The following PKMYT1 variants were observed in gnomAD, a reference collection of about 807,000 sequenced individuals.
The protein encoded by PKMYT1 is membrane-associated tyrosine- and threonine-specific cdc2-inhibitory kinase.
PKMYT1 carries 35 observed loss-of-function variants against 49.7 expected under a neutral mutation model. The ratio of observed to expected loss-of-function variants is 0.70; its 90% confidence interval spans 0.54 to 0.93. The LOEUF (loss-of-function observed/expected upper bound fraction) is 0.93. PKMYT1 is among the 40% of genes least tolerant of loss of function. The pLI, the probability that PKMYT1 is intolerant of heterozygous loss-of-function variation, is 0.00. For synonymous variants in PKMYT1, 331 were observed against 287.6 expected, an observed-to-expected ratio of 1.15 and a Z score of -1.53; for missense variants, 677 against 673.1, an observed-to-expected ratio of 1.01 and a Z score of -0.06.
In PKMYT1 at chr16:2,974,093, G is replaced by T. The variant is rs753795744; in HGVS notation, c.1217C>A (p.Pro406His). Reference protein sequence around the residue: ...GLAHPASWLQPLGPPATPPGS... With the variant: ...GLAHPASWLQHLGPPATPPGS... The stretch of plus-strand genomic sequence containing the variant: ...AGGCGGGGTGGCTGGCGGGCCCAGG[G>T]GCTGTAGCCAGCTGGCAGGGTGAGC... The change falls in exon 7 of 9, where the codon CCC becomes CAC. Residue 406 changes from proline to histidine, a missense_variant. Physicochemically the swap from Pro to His is moderately conservative, Grantham distance 77 (BLOSUM62 -2). Coordinates refer to ENST00000262300, the MANE Select transcript of PKMYT1 (RefSeq NM_004203.5). The T allele has an allele frequency of 1.9e-6, 3 of 1,609,178 alleles. No individual in the cohort carries two copies. The highest frequency in any genetic ancestry group is 1.1e-5 in the South Asian group (1 of 90,464).
At position 2,977,038 on chromosome 16, in the gene PKMYT1, GC is replaced by G. The variant is rs1567389255; in HGVS notation, c.11-8del. 3.1e-6 allele frequency: 5 copies of G among 1,589,338 alleles called. No individual in the cohort carries two copies. The highest frequency in any genetic ancestry group is 4.3e-6 in the Non-Finnish European group (5 of 1,174,756). On this transcript the variant is annotated splice_polypyrimidine_tract_variant and splice_region_variant and intron_variant, in intron 2 of 8. Transcript: ENST00000262300. ...ATGGCCAGTGCAGGAGGCCCTGGGGGCAGAGACAGAGGCTGAGTACAGGGCA... is the reference window on the plus strand; with the variant it reads ...ATGGCCAGTGCAGGAGGCCCTGGGGGAGAGACAGAGGCTGAGTACAGGGCA...
At chr16:2,975,978 A>G in intron 3 of PKMYT1, 166 bp from the exon 4 acceptor site, 1 of 738,282 alleles carries the variant, frequency 1.4e-6, no homozygotes, top group Non-Finnish European at 2.1e-6. Flanking sequence ...AAAACCAGAC[A>G]AACCTCCATC....
In PKMYT1 at chr16:2,979,729, G is replaced by A; in HGVS notation, c.-72C>T. 2 of 1,609,434 alleles carry A rather than the reference G, an allele frequency of 1.2e-6. No homozygotes were observed. Among genetic ancestry groups the A allele is most frequent in the Non-Finnish European group, 1.7e-6 (2 of 1,177,336 alleles). ...AGCAGGGGCTCCCACGTGAATCCAG[G>A]GTGTCCCTGAGCTAAGGCCAGGCGG... On this transcript the variant is annotated 5_prime_UTR_variant, in exon 2 of 9. Transcript: ENST00000262300.
intron 2 of PKMYT1, among the ~76,000 whole-genome samples, chr16:2,978,509 A>AGGCTGAGGTGAGTAAATC (rs1483791506): frequency 1.3e-5 from 2 of 152,122 alleles, no homozygotes. Context: ...GCATTTTAGG[A>AGGCTGAGGTGAGTAAATC]GGCTGAGGTG....
Position 2,975,273 on chromosome 16 carries a change from G to A in PKMYT1, c.872+46C>T, listed in dbSNP as rs1196197322. On this transcript the variant is annotated intron_variant, in intron 4 of 8. Coordinates refer to ENST00000262300, the MANE Select transcript of PKMYT1 (RefSeq NM_004203.5). ...GGGAATGGAGCTTCCGTCCCAGGAA[G>A]GGCCTCCCACAGCCTGCCAAACACC... 2.0e-6 allele frequency: 3 copies of A among 1,537,160 alleles called. No individual in the cohort carries two copies. In the East Asian group the frequency reaches 7.1e-5, roughly 36 times the overall value.
chr16:2,975,260 T>A, intron 4 of PKMYT1, 59 bp downstream of exon 4: 1 of 1,500,332 alleles, frequency 6.7e-7, no homozygotes, highest in Non-Finnish European at 8.9e-7. Flanking sequence ...GAATGGAGCT[T>A]CCGTCCCAGG....
At position 2,975,705 on chromosome 16, in the gene PKMYT1, C is replaced by T. The variant is rs773375949; in HGVS notation, c.486G>A (p.Glu162=). 3 of 1,608,004 alleles carry T rather than the reference C, an allele frequency of 1.9e-6. No homozygotes were observed. Among genetic ancestry groups the T allele is most frequent in the South Asian group, 2.2e-5 (2 of 91,072 alleles). Reference sequence around the variant, plus strand: ...CGCAGCATGGGTGCTGCCCCACCTTCTCGTGGCTGCCCACCTCGGCCAACT... The same window carrying T: ...CGCAGCATGGGTGCTGCCCCACCTTTTCGTGGCTGCCCACCTCGGCCAACT... ...ARKLAEVGSH[E]KVGQHPCCVR... is the part of the protein sequence containing the mutation. The change falls in exon 4 of 9, where the codon GAG becomes GAA. Residue 162 remains glutamate, a synonymous_variant. Transcript: ENST00000262300.
At chr16:2,974,191 C>T (rs779933498) in intron 6 of PKMYT1, 34 bp from the exon 7 acceptor site, 29 of 1,566,302 alleles carry the variant, frequency 1.9e-5, no homozygotes, top group African/African-American at 4.1e-5. Context: ...TGTGGGTGGG[C>T]GGACCCCCGG....
chr16:2,976,520 G>A (rs2072197651), intron 3 of PKMYT1, 144 bp downstream of exon 3: 1 of 761,792 alleles, frequency 1.3e-6, no homozygotes, highest in Non-Finnish European at 1.9e-6. Context: ...CAAGTCAAAT[G>A]TGGAGGGAGC....
rs1223323872 is a variant in PKMYT1, at chr16:2,975,314, C to T, written c.872+5G>A. On this transcript the variant is annotated splice_donor_5th_base_variant and intron_variant, in intron 4 of 8. Transcript: ENST00000262300. ...GCCAAACACCTGGCGTGCCCCGGTC[C>T]CCACCTGAACACATCCGCTGCTGTC... 1 of 1,603,820 alleles carries T rather than the reference C, an allele frequency of 6.2e-7. No individual in the cohort carries two copies. The highest frequency in any genetic ancestry group is 1.7e-5 in the Admixed American group (1 of 59,660).
chr16:2,974,194 AC>A, intron 6 of PKMYT1, 37 bp from the exon 7 acceptor site: 3 of 1,561,334 alleles, frequency 1.9e-6, no homozygotes, highest in Admixed American at 3.8e-5. Flanking sequence ...GGGTGGGCGG[AC>A]CCCCGGGGCT....
At chr16:2,974,496 C>G in intron 5 of PKMYT1, 54 bp downstream of exon 5, 1 of 1,536,572 alleles carries the variant, frequency 6.5e-7, no homozygotes, top group Non-Finnish European at 8.8e-7. Flanking sequence ...CATGGCCAGC[C>G]ACTATCTCCC....
chr16:2,973,335 CAG>C (rs769514272), intron 7 of PKMYT1, 120 bp from the exon 8 acceptor site: 24 of 1,542,918 alleles, frequency 1.6e-5, no homozygotes, highest in Non-Finnish European at 2.0e-5. Flanking sequence ...GAGCCACAGT[CAG>C]GGACAATAAA....
chr16:2,972,989 G>A lies in PKMYT1; in HGVS notation c.1464C>T (p.Leu488=). 4 of 1,610,376 alleles carry A rather than the reference G, an allele frequency of 2.5e-6. No homozygotes were observed. The highest frequency in any genetic ancestry group is 3.4e-6 in the Non-Finnish European group (4 of 1,179,196). Residue 488 remains leucine (L), a synonymous_variant, in exon 9 of 9, where the codon CTC becomes CTT. Coordinates refer to ENST00000262300, the MANE Select transcript of PKMYT1 (RefSeq NM_004203.5). ...GSFPSFEPRN[L]LSLFEDTLDP... The stretch of plus-strand genomic sequence containing the variant: ...CTAGGGTGTCCTCAAACAGGCTGAG[G>A]AGGTTCCGAGGCTCAAAGGAGGGGA...
chr16:2,977,219 C>T (rs778779718), intron 2 of PKMYT1, 188 bp from the exon 3 acceptor site: 164 of 1,411,652 alleles, frequency 1.2e-4, no homozygotes, highest in Non-Finnish European at 1.5e-4. Flanking sequence ...CTCACCTGCC[C>T]ACCAGGCTGT....
At chr16:2,979,531 G>A in intron 2 of PKMYT1, 117 bp downstream of exon 2, 1 of 818,260 alleles carries the variant, frequency 1.2e-6, no homozygotes. Context: ...CAGGGTGTTG[G>A]GATCCTGGAG....
chr16:2,973,654 TC>T, intron 7 of PKMYT1: 1 of 443,138 alleles, frequency 2.3e-6, no homozygotes, highest in South Asian at 2.2e-5. Context: ...AAGGACTTGT[TC>T]CCAGGGCAGG....
intron 7 of PKMYT1, 131 bp downstream of exon 7, chr16:2,973,869 G>A: frequency 9.8e-7 from 1 of 1,022,042 alleles, no homozygotes; most frequent in Non-Finnish European, 1.4e-6. Context: ...CCCCAGTCTT[G>A]GTCCCCTTCC....
intron 3 of PKMYT1, 35 bp downstream of exon 3, chr16:2,976,629 C>T: frequency 7.1e-7 from 1 of 1,412,484 alleles, no homozygotes; most frequent in African/African-American, 1.4e-5. Flanking sequence ...AAAGGAGGTC[C>T]CCCAGATGGG....
Sources: allele counts gnomAD v4.1 joint callset (sites outside exome capture counted in the v4.1 genomes callset), GRCh38; gene constraint gnomAD v4.1.1; transcripts MANE v1.5; gene names NCBI Gene and HGNC (gene_info 2026-07-23, HGNC 2026-07-21).